AGBL1: variants seen among roughly 807,000 people sequenced by gnomAD.
The protein encoded by AGBL1 is cytosolic carboxypeptidase 4.
In AGBL1, 130 loss-of-function variants were observed where a neutral mutation model predicts 118.9. The observed-to-expected ratio is 1.09, with a 90% CI of 0.95 to 1.26. The LOEUF is 1.26. Ranked by LOEUF, AGBL1 falls within the 50% of genes most tolerant of loss-of-function variation. AGBL1 has a pLI of 0.00. For missense variants in AGBL1, 1,584 were observed against 1,298.1 expected (o/e 1.22, Z -3.38); for synonymous variants, 555 against 478.9 (o/e 1.16, Z -2.08).
chr15:86,749,986 C>G (rs966687238), intron 22 of AGBL1, among the ~76,000 whole-genome samples: 1 of 152,018 alleles, frequency 6.6e-6, no homozygotes, highest in African/African-American at 2.4e-5. Flanking sequence ...TTTGTTGTGT[C>G]TCTGCCAGGC....
intron 22 of AGBL1, among the ~76,000 whole-genome samples, chr15:86,868,075 A>G (rs893730480): frequency 6.6e-5 from 10 of 152,220 alleles, no homozygotes; most frequent in African/African-American, 1.9e-4. Flanking sequence ...GGAATTATCA[A>G]TGTGGCTAAT....
At chr15:86,637,661 G>A (rs954516088) in intron 21 of AGBL1, among the ~76,000 whole-genome samples, 5 of 152,196 alleles carry the variant, frequency 3.3e-5, no homozygotes, top group Non-Finnish European at 7.3e-5. Flanking sequence ...TGGTGGCTTG[G>A]AGTAGGACAA....
intron 17 of AGBL1, among the ~76,000 whole-genome samples, chr15:86,300,252 C>A (rs941213359): frequency 1.3e-5 from 2 of 152,158 alleles, no homozygotes; most frequent in Non-Finnish European, 2.9e-5. Flanking sequence ...ATTGCTCTCA[C>A]AACCTCGCAT....
At chr15:86,375,455 C>T (rs1351642906) in intron 17 of AGBL1, among the ~76,000 whole-genome samples, 14 of 152,220 alleles carry the variant, frequency 9.2e-5, no homozygotes, top group Admixed American at 2.6e-4. Context: ...CCTCCCTCAA[C>T]GCATGGGGAT....
chr15:86,539,998 G>A (rs2142238820), intron 19 of AGBL1, among the ~76,000 whole-genome samples: 1 of 152,256 alleles, frequency 6.6e-6, no homozygotes, highest in South Asian at 2.1e-4. Flanking sequence ...CTCTGGGTTA[G>A]GGCAAACTGG....
Position 86,709,163 on chromosome 15 carries a change from A to G in AGBL1, c.3158+34727A>G, listed in dbSNP as rs76747409. 1.7e-3 allele frequency among the ~76,000 whole-genome samples: 265 copies of G among 152,224 alleles called. 3 individuals carry two copies. In the East Asian group the frequency reaches 0.022, roughly 13 times the overall value. On this transcript the variant is annotated intron_variant, in intron 22 of 22. Coordinates refer to ENST00000614907, the MANE Select transcript of AGBL1 (RefSeq NM_001386094.1). ...AAACACTTTTCTCATCCCTCCACAC[A>G]CAAAACTTGTACTCATCATCTGAAG...
intron 5 of AGBL1, among the ~76,000 whole-genome samples, chr15:86,172,080 G>T (rs548705128): frequency 3.9e-5 from 6 of 152,258 alleles, no homozygotes; most frequent in Middle Eastern, 6.8e-3. Context: ...ACTACGCATT[G>T]GGTACAGTGT....
chr15:86,810,933 C>G (rs2078780221), intron 22 of AGBL1, among the ~76,000 whole-genome samples: 1 of 152,158 alleles, frequency 6.6e-6, no homozygotes. Flanking sequence ...TATGGACACA[C>G]AGAGGAGGAA....
At chr15:86,147,434 G>C (rs2077047693) in intron 3 of AGBL1, among the ~76,000 whole-genome samples, 1 of 152,228 alleles carries the variant, frequency 6.6e-6, no homozygotes, top group African/African-American at 2.4e-5. Flanking sequence ...CCCAAGGTTA[G>C]CAACCTGCAG....
At chr15:86,784,168 A>G (rs1567172407) in intron 22 of AGBL1, among the ~76,000 whole-genome samples, 1 of 152,214 alleles carries the variant, frequency 6.6e-6, no homozygotes, top group Non-Finnish European at 1.5e-5. Context: ...TAACTTATAT[A>G]GTATTTAGGA....
chr15:86,126,648 C>A (rs753861115), intron 1 of AGBL1, among the ~76,000 whole-genome samples: 2 of 152,140 alleles, frequency 1.3e-5, no homozygotes, highest in African/African-American at 2.4e-5. Flanking sequence ...TGAATATATT[C>A]TTTCACTGAA....
chr15:86,097,010 A>G (rs1433456794), intron 1 of AGBL1, among the ~76,000 whole-genome samples: 1 of 152,168 alleles, frequency 6.6e-6, no homozygotes, highest in Non-Finnish European at 1.5e-5. Context: ...CCTGGAAGAT[A>G]TCAGACCCTG....
chr15:86,487,511 A>C (rs940235065), intron 18 of AGBL1, among the ~76,000 whole-genome samples: 2 of 152,052 alleles, frequency 1.3e-5, no homozygotes, highest in Non-Finnish European at 2.9e-5. Context: ...GATGCTTCTT[A>C]GAAATGCAGA....
chr15:86,295,293 A>G lies in AGBL1; in HGVS notation c.2259A>G (p.Lys753=). 6.2e-7 allele frequency: 1 copy of G among 1,613,720 alleles called. No individual in the cohort carries two copies. The change falls in exon 17 of 23, where the codon AAA becomes AAG. Residue 753 remains lysine, a synonymous_variant. Coordinates refer to ENST00000614907, the MANE Select transcript of AGBL1 (RefSeq NM_001386094.1). ...LDILEKSVNL[K]EVYFRQDVLC... ...TCCTGGAAAAGAGTGTCAACCTCAAAGAGGTCTACTTCCGGCAAGATGTTC... is the reference window on the plus strand; with the variant it reads ...TCCTGGAAAAGAGTGTCAACCTCAAGGAGGTCTACTTCCGGCAAGATGTTC...
intron 22 of AGBL1, among the ~76,000 whole-genome samples, chr15:86,883,283 A>T (rs1461000751): frequency 1.3e-5 from 2 of 152,096 alleles, no homozygotes; most frequent in African/African-American, 4.8e-5. Flanking sequence ...ATTAAGTCTG[A>T]TTTTCTTTCC....
intron 22 of AGBL1, among the ~76,000 whole-genome samples, chr15:86,788,571 C>G (rs576936733): frequency 6.6e-6 from 1 of 152,170 alleles, no homozygotes; most frequent in Admixed American, 6.5e-5. Flanking sequence ...AGAAGCAAGA[C>G]CTCCTGGAGC....
At chr15:86,791,377 T>C in intron 22 of AGBL1, among the ~76,000 whole-genome samples, 1 of 152,198 alleles carries the variant, frequency 6.6e-6, no homozygotes, top group East Asian at 1.9e-4. Flanking sequence ...CTGTTACGGA[T>C]GCACTGTAGT....
chr15:86,560,697 T>A (rs1391663676), intron 21 of AGBL1, among the ~76,000 whole-genome samples: 3 of 152,222 alleles, frequency 2.0e-5, no homozygotes, highest in Non-Finnish European at 4.4e-5. Flanking sequence ...TAGTTCTAGA[T>A]CCTTGAGGAA....
chr15:86,315,587 G>A (rs1397402403), intron 17 of AGBL1, among the ~76,000 whole-genome samples: 3 of 151,838 alleles, frequency 2.0e-5, no homozygotes, highest in East Asian at 3.9e-4. Context: ...GTGAGGTGGT[G>A]CGCGCCTGTA....
Sources: allele counts gnomAD v4.1 joint callset (sites outside exome capture counted in the v4.1 genomes callset), GRCh38; gene constraint gnomAD v4.1.1; transcripts MANE v1.5; gene names NCBI Gene and HGNC (gene_info 2026-07-23, HGNC 2026-07-21).